Variants in LARGE1 observed in about 807,000 individuals in gnomAD.
LARGE1 encodes the protein LARGE xylosyl- and glucuronyltransferase 1, also known as xylosyl- and glucuronyltransferase LARGE1.
In LARGE1, 43 loss-of-function variants were observed where a neutral mutation model predicts 87.6. The observed-to-expected ratio is 0.49, with a 90% CI of 0.38 to 0.63. The LOEUF (loss-of-function observed/expected upper bound fraction) is 0.63. Among genes scored for constraint, LARGE1 ranks in the 30% least tolerant of loss-of-function variants. The probability of loss-of-function intolerance (pLI) is 0.00; values close to 1 mark genes in which losing one functional copy is unlikely to be tolerated. For synonymous variants in LARGE1, 434 were observed against 394.6 expected (o/e 1.10, Z -1.18); for missense variants, 802 against 1,000.2 (o/e 0.80, Z 2.67).
At chr22:33,408,616 G>T (rs1227879139) in intron 7 of LARGE1, among the ~76,000 whole-genome samples, 1 of 151,822 alleles carries the variant, frequency 6.6e-6, no homozygotes, top group Non-Finnish European at 1.5e-5. Flanking sequence ...TGCTGTGGCT[G>T]TGAGCCCACA....
downstream of LARGE1, among the ~76,000 whole-genome samples, chr22:33,157,823 A>G (rs5749571): frequency 0.42 from 64,149 of 151,982 alleles, 13,969 homozygotes; most frequent in South Asian, 0.68. Flanking sequence ...AGCTTTCACA[A>G]AAGAAATTAC....
At chr22:33,245,053 T>C (rs577916682) in intron 11 of LARGE1, among the ~76,000 whole-genome samples, 1 of 152,370 alleles carries the variant, frequency 6.6e-6, no homozygotes, top group South Asian at 2.1e-4. Context: ...ACCAGCCATT[T>C]AGTCCATCCC....
At chr22:33,845,275 G>A (rs1467396567) in intron 1 of LARGE1, among the ~76,000 whole-genome samples, 1 of 152,022 alleles carries the variant, frequency 6.6e-6, no homozygotes, top group East Asian at 1.9e-4. Flanking sequence ...AAAATTCCAG[G>A]ATGGGATGTA....
chr22:33,181,794 C>T (rs973333967), intron 11 of LARGE1, among the ~76,000 whole-genome samples: 7 of 147,378 alleles, frequency 4.7e-5, no homozygotes, highest in African/African-American at 1.8e-4. Context: ...TCTCAAAGTG[C>T]TGGGATTACA....
intron 1 of LARGE1, among the ~76,000 whole-genome samples, chr22:33,781,273 T>C (rs972754403): frequency 6.6e-6 from 1 of 151,940 alleles, no homozygotes; most frequent in Non-Finnish European, 1.5e-5. Context: ...CCAAGATGGG[T>C]AGATCACCTG....
chr22:33,428,898 C>T (rs1161145925), intron 7 of LARGE1, among the ~76,000 whole-genome samples: 2 of 144,702 alleles, frequency 1.4e-5, no homozygotes, highest in South Asian at 2.2e-4. Context: ...CCACTGCACT[C>T]CAGCCTGGGC....
intron 12 of LARGE1, among the ~76,000 whole-genome samples, chr22:33,291,929 T>C (rs558501018): frequency 6.6e-4 from 100 of 151,906 alleles, no homozygotes; most frequent in Non-Finnish European, 1.1e-3. Flanking sequence ...CCCGTCTCTA[T>C]TAAAAATACA....
intron 1 of LARGE1, among the ~76,000 whole-genome samples, chr22:33,769,691 C>G (rs1327397825): frequency 6.6e-6 from 1 of 152,212 alleles, no homozygotes; most frequent in Non-Finnish European, 1.5e-5. Context: ...TCACGTCATT[C>G]TGCCTCTTGC....
intron 2 of LARGE1, among the ~76,000 whole-genome samples, chr22:33,694,567 A>G (rs2082188177): frequency 6.6e-6 from 1 of 152,122 alleles, no homozygotes; most frequent in Non-Finnish European, 1.5e-5. Flanking sequence ...ACAATATGTT[A>G]GTAAAGTTCT....
intron 6 of LARGE1, among the ~76,000 whole-genome samples, chr22:33,507,350 A>G (rs763979169): frequency 2.6e-5 from 4 of 152,194 alleles, no homozygotes; most frequent in African/African-American, 4.8e-5. Context: ...GACAGTCCTG[A>G]AGTGTATGCC....
chr22:33,515,655 T>A (rs1347865868), intron 6 of LARGE1, among the ~76,000 whole-genome samples: 2 of 152,186 alleles, frequency 1.3e-5, no homozygotes, highest in Non-Finnish European at 2.9e-5. Context: ...CCTCATTTTA[T>A]ACACTGAAGA....
At chr22:33,257,622 C>T (rs1039172596) in intron 11 of LARGE1, among the ~76,000 whole-genome samples, 11 of 151,994 alleles carry the variant, frequency 7.2e-5, no homozygotes, top group East Asian at 1.9e-4. Context: ...TAGCCCTTAA[C>T]GGGATAGGAG....
intron 10 of LARGE1, among the ~76,000 whole-genome samples, chr22:33,332,068 C>T (rs1937785959): frequency 6.6e-6 from 1 of 152,074 alleles, no homozygotes; most frequent in Non-Finnish European, 1.5e-5. Context: ...TGCAATGCTG[C>T]CTGCTAGAAC....
chr22:33,296,764 T>A (rs568773361), intron 12 of LARGE1, among the ~76,000 whole-genome samples: 1 of 152,194 alleles, frequency 6.6e-6, no homozygotes, highest in East Asian at 1.9e-4. Flanking sequence ...AGACGGGGTT[T>A]CTCCATGTTG....
chr22:33,078,068 A>G, the LARGE1 span, among the ~76,000 whole-genome samples: 1 of 152,214 alleles, frequency 6.6e-6, no homozygotes, highest in Admixed American at 6.5e-5. Context: ...GTCCCAGAAA[A>G]TAACTGGTAA....
At chr22:33,840,870 G>A (rs181751585) in intron 1 of LARGE1, among the ~76,000 whole-genome samples, 40 of 152,130 alleles carry the variant, frequency 2.6e-4, no homozygotes, top group African/African-American at 4.6e-4. Context: ...TGATCCACCC[G>A]CCTCAGCCTC....
At chr22:33,154,803 A>T in the LARGE1 span, among the ~76,000 whole-genome samples, 1 of 152,158 alleles carries the variant, frequency 6.6e-6, no homozygotes. Context: ...CTGTGTCTCC[A>T]CCAAAATCTC....
the LARGE1 span, among the ~76,000 whole-genome samples, chr22:33,141,410 T>C: frequency 1.3e-5 from 2 of 152,200 alleles, no homozygotes; most frequent in East Asian, 3.8e-4. Context: ...AGACGAAGTA[T>C]ATGACCTACA....
At chr22:33,893,980 G>A (rs1291634530) in intron 1 of LARGE1, among the ~76,000 whole-genome samples, 1 of 152,110 alleles carries the variant, frequency 6.6e-6, no homozygotes, top group East Asian at 1.9e-4. Context: ...GATTCCACAG[G>A]AAAAGCATGA....
Sources: allele counts gnomAD v4.1 joint callset (sites outside exome capture counted in the v4.1 genomes callset), GRCh38; gene constraint gnomAD v4.1.1; transcripts MANE v1.5; gene names NCBI Gene and HGNC (gene_info 2026-07-23, HGNC 2026-07-21).